The following TTC19 variants were observed in gnomAD, a reference collection of about 807,000 sequenced individuals.
The protein encoded by TTC19 is tetratricopeptide repeat protein 19, mitochondrial.
Under a neutral mutation model 49.5 loss-of-function variants are expected in TTC19, and 38 were observed. The observed-to-expected ratio is 0.77, with a 90% CI of 0.59 to 1.01. The LOEUF (loss-of-function observed/expected upper bound fraction) is 1.01. Ranked by LOEUF, TTC19 falls within the 50% of genes least tolerant of loss-of-function variation. The probability of loss-of-function intolerance (pLI) is 0.00; values close to 1 mark genes in which losing one functional copy is unlikely to be tolerated. For missense variants in TTC19, 475 were observed against 477.7 expected (o/e 0.99, Z 0.05); for synonymous variants, 204 against 185.2 (o/e 1.10, Z -0.83).
downstream of TTC19, chr17:16,032,065 T>C: frequency 2.1e-6 from 1 of 485,418 alleles, no homozygotes; most frequent in South Asian, 2.9e-5. Context: ...CCCTCCACTA[T>C]TATTATAGTC....
chr17:16,012,099 C>A (rs1971089199), intron 7 of TTC19, among the ~76,000 whole-genome samples: 1 of 151,196 alleles, frequency 6.6e-6, no homozygotes, highest in African/African-American at 2.4e-5. Context: ...AATATTAATC[C>A]TTTGTCTCTT....
Position 15,999,895 on chromosome 17 carries a change from C to T in TTC19, c.47C>T (p.Ala16Val). 7.1e-7 allele frequency: 1 copy of T among 1,400,294 alleles called. No homozygotes were observed. The highest frequency in any genetic ancestry group is 3.3e-5 in the Admixed American group (1 of 30,152). The allele number at this position is 1,400,294 out of a possible 1,614,324, so 86.7% of individuals were successfully genotyped here. ...AGCCTGGGCCGAGGCTTCCTGCGGG[C>T]CGCGGGGCGGCGGTGCCGGGGCTGC... ...SWSLGRGFLR[A>V]AGRRCRGCSA... Residue 16 changes from alanine (A) to valine (V), a missense_variant, in exon 1 of 10, where the codon GCC (alanine) becomes GTC (valine). Coordinates refer to ENST00000261647, the MANE Select transcript of TTC19 (RefSeq NM_017775.4).
intron 6 of TTC19, among the ~76,000 whole-genome samples, chr17:16,004,590 C>G (rs1970839175): frequency 6.6e-6 from 1 of 152,160 alleles, no homozygotes; most frequent in Non-Finnish European, 1.5e-5. Context: ...AGTGTGAAAG[C>G]TGCTGGGGAT....
downstream of TTC19, among the ~76,000 whole-genome samples, chr17:16,032,876 G>C (rs1185938902): frequency 6.6e-6 from 1 of 152,218 alleles, no homozygotes; most frequent in Non-Finnish European, 1.5e-5. Context: ...CAATGGACAA[G>C]TACCCAGGAA....
exon 3 of TTC19, chr17:16,044,958 C>A: frequency 1.1e-5 from 6 of 531,454 alleles, no homozygotes; most frequent in East Asian, 3.6e-5. Flanking sequence ...GTTGTTTTGA[C>A]TAAATTTCTT....
chr17:16,005,800 G>A (rs1478852876), intron 6 of TTC19, among the ~76,000 whole-genome samples: 1 of 152,204 alleles, frequency 6.6e-6, no homozygotes, highest in African/African-American at 2.4e-5. Flanking sequence ...CTGTAGGGCG[G>A]CCTGAACTGT....
chr17:16,012,330 A>C (rs1002939041), intron 7 of TTC19, among the ~76,000 whole-genome samples: 1 of 152,054 alleles, frequency 6.6e-6, no homozygotes, highest in Non-Finnish European at 1.5e-5. Context: ...GTTTACAAAA[A>C]TTATCTGGGC....
Position 16,040,233 on chromosome 17 carries a change from T to C in TTC19, c.248-4270T>C, listed in dbSNP as rs1453824362. 8 of 665,780 alleles carry C rather than the reference T, an allele frequency of 1.2e-5. 1 individual carries two copies. In the Admixed American group the frequency reaches 1.4e-4, roughly 12 times the overall value. The allele number at this position is 665,780 out of a possible 1,614,324, so 41.2% of individuals were successfully genotyped here. A position where few individuals can be genotyped will look rare whatever the true frequency, so the allele number is the denominator to read the frequency against. ...TGTTCTTTAATAGTTTCATTCTTTT[T>C]GTTCATTTATCTTTTCAATAGGTAT... On this transcript the variant is annotated intron_variant, in intron 2 of 2. Transcript: ENST00000470649.
chr17:16,022,548 G>T (rs1026691911), intron 7 of TTC19, among the ~76,000 whole-genome samples: 3 of 152,192 alleles, frequency 2.0e-5, no homozygotes, highest in African/African-American at 7.2e-5. Context: ...TATTGATGGT[G>T]AGGGGGTAGG....
intron 7 of TTC19, chr17:16,024,790 A>T (rs182594751): frequency 3.6e-6 from 2 of 551,522 alleles, no homozygotes; most frequent in Admixed American, 6.3e-5. Context: ...ATTTGTTTCA[A>T]ACTAAAAATA....
chr17:16,032,285 C>A (rs752852008), downstream of TTC19: 1 of 1,599,968 alleles, frequency 6.3e-7, no homozygotes, highest in East Asian at 2.3e-5. Context: ...GTTCCCCTCA[C>A]TTTGTGCAGT....
At chr17:16,042,671 T>C (rs138118343) in intron 2 of TTC19, among the ~76,000 whole-genome samples, 2 of 152,260 alleles carry the variant, frequency 1.3e-5, no homozygotes, top group Admixed American at 6.5e-5. Context: ...GGAGGCCAAC[T>C]TGACAGGAGG....
chr17:16,004,507 T>G lies in TTC19; in HGVS notation c.581+245T>G, dbSNP rs576313062. Among the ~76,000 whole-genome samples the G allele has an allele frequency of 1.1e-3, 164 of 152,340 alleles. 2 individuals are homozygous for G. The highest frequency in any genetic ancestry group is 5.0e-4 in the Non-Finnish European group (34 of 68,034). ...CTGTGACAAAACTAACTAAGTTTTC[T>G]GTTGCTGCTTGAAGTGGGAAGGGAA... On this transcript the variant is annotated intron_variant, in intron 6 of 9. Transcript: ENST00000261647.
intron 7 of TTC19, among the ~76,000 whole-genome samples, chr17:16,016,575 T>TTG (rs1160736499): frequency 3.5e-4 from 50 of 142,908 alleles, no homozygotes; most frequent in African/African-American, 1.4e-3. Flanking sequence ...TTTTTTTTTT[T>TTG]GGGATGGAGT....
chr17:16,018,827 T>C (rs1597462747), intron 7 of TTC19, among the ~76,000 whole-genome samples: 2 of 152,228 alleles, frequency 1.3e-5, no homozygotes, highest in African/African-American at 4.8e-5. Flanking sequence ...TGTAATTTTT[T>C]AAAATTAGAT....
At chr17:16,002,290 T>C (rs1970761570) in intron 3 of TTC19, among the ~76,000 whole-genome samples, 1 of 152,190 alleles carries the variant, frequency 6.6e-6, no homozygotes, top group African/African-American at 2.4e-5. Context: ...ACGATTCTTT[T>C]GCCTCACCCT....
chr17:16,008,864 A>G (rs1970987049), intron 7 of TTC19, among the ~76,000 whole-genome samples: 1 of 152,000 alleles, frequency 6.6e-6, no homozygotes, highest in Non-Finnish European at 1.5e-5. Context: ...CCACCTTACT[A>G]TTGCTCTACT....
chr17:16,010,277 G>A (rs955614010), intron 7 of TTC19, among the ~76,000 whole-genome samples: 3 of 148,694 alleles, frequency 2.0e-5, no homozygotes, highest in Non-Finnish European at 3.0e-5. Flanking sequence ...GGGTTTAAGC[G>A]GTTCTCCTGC....
At chr17:16,014,203 T>G (rs886479529) in intron 7 of TTC19, among the ~76,000 whole-genome samples, 1 of 152,228 alleles carries the variant, frequency 6.6e-6, no homozygotes, top group Non-Finnish European at 1.5e-5. Context: ...AGTCTCCAAG[T>G]AGATTTGTCC....
Sources: gnomAD v4.1 joint callset for allele counts (sites outside exome capture counted in the v4.1 genomes callset) on GRCh38, gnomAD v4.1.1 for gene constraint, MANE v1.5 for transcripts, NCBI Gene and HGNC (gene_info 2026-07-23, HGNC 2026-07-21) for gene names.